Variants in RIMBP2 observed in about 807,000 individuals in gnomAD.
RIMBP2 encodes the protein RIMS-binding protein 2.
Under a neutral mutation model 118.6 loss-of-function variants are expected in RIMBP2, and 48 were observed. That is an observed-to-expected ratio of 0.40 (90% CI 0.32 to 0.51). The LOEUF (loss-of-function observed/expected upper bound fraction) is 0.51, where lower values mean the gene tolerates loss of function less well. Among genes scored for constraint, RIMBP2 ranks in the 20% least tolerant of loss-of-function variants. The probability of loss-of-function intolerance (pLI) is 0.41; values close to 1 mark genes in which losing one functional copy is unlikely to be tolerated. For synonymous variants in RIMBP2, 762 were observed against 742.9 expected (o/e 1.03, Z -0.42); for missense variants, 1,551 against 1,768.3 (o/e 0.88, Z 2.20).
intron 6 of RIMBP2, among the ~76,000 whole-genome samples, chr12:130,456,946 T>G (rs945631745): frequency 7.2e-5 from 11 of 152,210 alleles, no homozygotes; most frequent in Non-Finnish European, 1.6e-4. Flanking sequence ...GAGCAGTGCC[T>G]GATAAACCCA....
intron 1 of RIMBP2, among the ~76,000 whole-genome samples, chr12:130,695,500 T>C (rs1197432139): frequency 1.3e-5 from 2 of 152,140 alleles, no homozygotes; most frequent in East Asian, 1.9e-4. Flanking sequence ...CCACCACTCT[T>C]GGAGGCCAAA....
chr12:130,506,844 T>C (rs982411961), intron 3 of RIMBP2, 74 bp from the exon 4 acceptor site: 19 of 966,362 alleles, frequency 2.0e-5, no homozygotes, highest in Admixed American at 6.1e-5. Flanking sequence ...GCTTCCTCTT[T>C]AGGAGCAAAA....
chr12:130,424,106 G>T lies in RIMBP2; in HGVS notation c.3129+36C>A. On this transcript the variant is annotated intron_variant, in intron 16 of 22. Coordinates refer to ENST00000690449, the MANE Select transcript of RIMBP2 (RefSeq NM_001393629.1). The surrounding 1 kb of genome is among the most constrained non-coding windows in gnomAD (Gnocchi z 9.8). ...TGAAAGGATGGGACAGATTGGTTTG[G>T]CAAGCGGCTGTGAAAAGGAAGTTTA... The T allele has an allele frequency of 1.8e-6, 2 of 1,126,322 alleles. No homozygotes were observed. Among genetic ancestry groups the T allele is most frequent in the Non-Finnish European group, 2.2e-6 (2 of 891,466 alleles). 69.8% of individuals were successfully genotyped at this position (1,126,322 alleles called of 1,614,324 possible).
In RIMBP2 at chr12:130,673,837, G is replaced by A. The variant is rs184240227; in HGVS notation, c.-352+42385C>T. Among the ~76,000 whole-genome samples, 9 of 152,226 alleles carry A rather than the reference G, an allele frequency of 5.9e-5. 1 individual carries two copies. Among genetic ancestry groups the A allele is most frequent in the South Asian group, 2.1e-4 (1 of 4,812 alleles). ...AAGTGTGTAGCACTGGGCCAGGCAC[G>A]GTGGCTTACGCCTATAATCCCAGCC... On this transcript the variant is annotated intron_variant, in intron 1 of 22. Transcript: ENST00000690449.
intron 1 of RIMBP2, among the ~76,000 whole-genome samples, chr12:130,675,239 T>C (rs566239431): frequency 8.5e-5 from 13 of 152,302 alleles, no homozygotes; most frequent in African/African-American, 2.9e-4. Flanking sequence ...TCCGCAGGCC[T>C]TCGGGAACGA....
chr12:130,528,722 G>T (rs1316621590), intron 2 of RIMBP2, among the ~76,000 whole-genome samples: 1 of 152,170 alleles, frequency 6.6e-6, no homozygotes, highest in Admixed American at 6.5e-5. Context: ...CTTCATATTG[G>T]TCAGTATAAT....
At chr12:130,476,248 CT>C (rs1183655790) in intron 5 of RIMBP2, among the ~76,000 whole-genome samples, 2 of 152,174 alleles carry the variant, frequency 1.3e-5, no homozygotes, top group Admixed American at 1.3e-4. Flanking sequence ...ACAAAAGCCA[CT>C]TGTTGGGGGT....
intron 2 of RIMBP2, among the ~76,000 whole-genome samples, chr12:130,627,158 T>C (rs1376002942): frequency 1.3e-5 from 2 of 152,180 alleles, no homozygotes; most frequent in Admixed American, 1.3e-4. Flanking sequence ...ACGGCTAGCA[T>C]CATCACCATC....
At chr12:130,596,608 G>A (rs939507694) in intron 2 of RIMBP2, among the ~76,000 whole-genome samples, 1 of 152,164 alleles carries the variant, frequency 6.6e-6, no homozygotes, top group Non-Finnish European at 1.5e-5. Flanking sequence ...CAGCAAAGAG[G>A]GTTTTCTGTC....
At chr12:130,495,000 T>G (rs1004992133) in intron 4 of RIMBP2, among the ~76,000 whole-genome samples, 3 of 152,098 alleles carry the variant, frequency 2.0e-5, no homozygotes, top group African/African-American at 7.2e-5. Flanking sequence ...TTGGTGATCT[T>G]TGACCAGAAG....
intron 1 of RIMBP2, among the ~76,000 whole-genome samples, chr12:130,701,818 C>T (rs967563662): frequency 6.6e-6 from 1 of 152,080 alleles, no homozygotes; most frequent in African/African-American, 2.4e-5. Context: ...ACCTGACAAC[C>T]TGCCTTAAAA....
intron 3 of RIMBP2, among the ~76,000 whole-genome samples, chr12:130,517,111 C>G (rs1175417437): frequency 6.6e-6 from 1 of 152,130 alleles, no homozygotes; most frequent in African/African-American, 2.4e-5. Flanking sequence ...ATCATGAGCA[C>G]TCTGCCCTCA....
At chr12:130,473,499 T>C (rs1218926648) in intron 5 of RIMBP2, among the ~76,000 whole-genome samples, 1 of 152,144 alleles carries the variant, frequency 6.6e-6, no homozygotes, top group Non-Finnish European at 1.5e-5. Flanking sequence ...GGCATCTAGC[T>C]AGGTTGGATG....
chr12:130,680,292 G>T (rs1028328505), intron 1 of RIMBP2, among the ~76,000 whole-genome samples: 2 of 152,352 alleles, frequency 1.3e-5, no homozygotes, highest in South Asian at 2.1e-4. Flanking sequence ...ATGAAATGGC[G>T]TTGAGGATGA....
In RIMBP2 at chr12:130,456,774, G is replaced by A. The variant is rs1330625252; in HGVS notation, c.154-74C>T. 7.2e-5 allele frequency: 82 copies of A among 1,133,852 alleles called. No homozygotes were observed. In the East Asian group the frequency reaches 2.0e-3, roughly 28 times the overall value. The allele number at this position is 1,133,852 out of a possible 1,614,324, so 70.2% of individuals were successfully genotyped here. A position where few individuals can be genotyped will look rare whatever the true frequency, so the allele number is the denominator to read the frequency against. On this transcript the variant is annotated intron_variant, in intron 6 of 22. Coordinates refer to ENST00000690449, the MANE Select transcript of RIMBP2 (RefSeq NM_001393629.1). ...GAAATGTGTGTGCGCCTGTTCACAT[G>A]TGTTGTACGTGTGCACATGTGCACT...
intron 2 of RIMBP2, among the ~76,000 whole-genome samples, chr12:130,524,142 G>C (rs182890770): frequency 1.3e-5 from 2 of 152,220 alleles, no homozygotes; most frequent in African/African-American, 4.8e-5. Flanking sequence ...GAGTAGGGCA[G>C]GATTTGGACA....
At chr12:130,399,546 G>T in intron 22 of RIMBP2, 133 bp downstream of exon 22, 1 of 1,006,434 alleles carries the variant, frequency 9.9e-7, no homozygotes, top group Non-Finnish European at 1.5e-6. Flanking sequence ...CATGGCTTCA[G>T]GGCAGAGAAA....
chr12:130,441,802 C>T, intron 11 of RIMBP2, 46 bp downstream of exon 11: 1 of 1,540,840 alleles, frequency 6.5e-7, no homozygotes. Context: ...GGGTGACATC[C>T]TGGCGTTCTC....
intron 21 of RIMBP2, 42 bp downstream of exon 21, chr12:130,406,130 T>C (rs751522784): frequency 4.5e-5 from 57 of 1,255,004 alleles, no homozygotes; most frequent in Non-Finnish European, 6.5e-5. Context: ...TAAATGAAAA[T>C]ACAAAAATCA....
Sources: allele counts gnomAD v4.1 joint callset (sites outside exome capture counted in the v4.1 genomes callset), GRCh38; gene constraint gnomAD v4.1.1; non-coding constraint Gnocchi (gnomAD v3.1); transcripts MANE v1.5; gene names NCBI Gene and HGNC (gene_info 2026-07-23, HGNC 2026-07-21).